PRIMPOL: variants seen among roughly 807,000 people sequenced by gnomAD.
PRIMPOL encodes the protein primase and DNA directed polymerase, also known as DNA-directed primase/polymerase protein.
A neutral mutation model predicts 63.6 loss-of-function variants in PRIMPOL; 54 were observed. The observed-to-expected ratio is 0.85, with a 90% CI of 0.68 to 1.07. The LOEUF is 1.07. Among genes scored for constraint, PRIMPOL ranks in the 50% least tolerant of loss-of-function variants. The pLI is 0.00. For synonymous variants in PRIMPOL, 197 were observed against 220.2 expected (o/e 0.89, Z 0.93); for missense variants, 610 against 648.3 (o/e 0.94, Z 0.64).
rs529130475 is a variant in PRIMPOL at position 184,668,471 on chromosome 4, G to A, written c.556+2407G>A. The stretch of plus-strand genomic sequence containing the variant: ...TGCCGTAGCTTGCAAAGCGAGGCCC[G>A]CTGTGCTCCAGCCTCATCTTCTGCC... On this transcript the variant is annotated intron_variant, in intron 6 of 13. Transcript: ENST00000314970. Among the ~76,000 whole-genome samples, 19 of 152,330 alleles carry A rather than the reference G, an allele frequency of 1.2e-4. No homozygotes were observed. The Middle Eastern group carries it at 0.01, about 82-fold the overall frequency.
chr4:184,658,084 T>TGGG (rs60383196), intron 3 of PRIMPOL, among the ~76,000 whole-genome samples: 5 of 110,448 alleles, frequency 4.5e-5, no homozygotes, highest in Non-Finnish European at 9.4e-5. Context: ...TTTTTTTTTT[T>TGGG]GGGGCACTGT....
At chr4:184,672,119 A>T in intron 6 of PRIMPOL, 54 bp from the exon 7 acceptor site, 1 of 1,442,668 alleles carries the variant, frequency 6.9e-7, no homozygotes, top group Non-Finnish European at 9.5e-7. Flanking sequence ...GCTAGACCTT[A>T]AGATGCGGTG....
chr4:184,650,490 T>TG (rs1743978661), intron 1 of PRIMPOL, among the ~76,000 whole-genome samples: 1 of 52,970 alleles, frequency 1.9e-5, no homozygotes, highest in African/African-American at 3.8e-5. Flanking sequence ...GGATGCGGAC[T>TG]ATTTTTTTAT....
chr4:184,682,954 G>A (rs1424849266), intron 9 of PRIMPOL, among the ~76,000 whole-genome samples: 1 of 152,118 alleles, frequency 6.6e-6, no homozygotes, highest in South Asian at 2.1e-4. Flanking sequence ...GGAGGCTAAG[G>A]CAGGAGGATC....
chr4:184,677,864 G>C (rs1200272360), intron 7 of PRIMPOL, among the ~76,000 whole-genome samples: 1 of 152,148 alleles, frequency 6.6e-6, no homozygotes, highest in Admixed American at 6.6e-5. Flanking sequence ...ATATTTGTTA[G>C]ATTTATTCTA....
In PRIMPOL at chr4:184,694,567, G is replaced by A; in HGVS notation, c.1471G>A (p.Glu491Lys). 6.2e-7 allele frequency: 1 copy of A among 1,614,028 alleles called. No homozygotes were observed. The highest frequency in any genetic ancestry group is 8.5e-7 in the Non-Finnish European group (1 of 1,179,930). The stretch of plus-strand genomic sequence containing the variant: ...TGAAGCAGATGAAACTAGGAGCAAT[G>A]AAACCCAGAATCCTCATAAACCATC... ...TDEADETRSN[E>K]TQNPHKPSPS... Residue 491 changes from glutamate (E) to lysine (K), a missense_variant, in exon 14 of 14, where the codon GAA becomes AAA. Physicochemically the swap from Glu to Lys is moderately conservative, Grantham distance 56. Transcript: ENST00000314970.
chr4:184,664,859 TAAAGAG>T (rs899288740), intron 5 of PRIMPOL, among the ~76,000 whole-genome samples: 2 of 152,028 alleles, frequency 1.3e-5, no homozygotes, highest in African/African-American at 4.8e-5. Context: ...TGTAAGTCTA[TAAAGAG>T]AAAAAGAGTA....
chr4:184,671,931 G>A (rs1309974612), intron 6 of PRIMPOL, among the ~76,000 whole-genome samples: 8 of 151,776 alleles, frequency 5.3e-5, no homozygotes, highest in African/African-American at 1.2e-4. Flanking sequence ...TAGTAGAGAC[G>A]GGGTTTCACC....
chr4:184,680,482 C>T (rs1326642725), intron 8 of PRIMPOL, among the ~76,000 whole-genome samples: 3 of 152,292 alleles, frequency 2.0e-5, no homozygotes, highest in Admixed American at 2.0e-4. Context: ...GCCACCGTGC[C>T]CGGCCACTTA....
intron 7 of PRIMPOL, among the ~76,000 whole-genome samples, chr4:184,673,741 G>C (rs1021793825): frequency 2.0e-5 from 3 of 152,224 alleles, no homozygotes; most frequent in Non-Finnish European, 2.9e-5. Flanking sequence ...CATTTTTGCT[G>C]TTGGCTGTGA....
chr4:184,694,168 C>T (rs1759877044), intron 13 of PRIMPOL: 1 of 988,928 alleles, frequency 1.0e-6, no homozygotes, highest in African/African-American at 1.7e-5. Flanking sequence ...GGTACTAAGT[C>T]CATTGTCAAG....
chr4:184,692,319 C>G (rs906467489), intron 13 of PRIMPOL, among the ~76,000 whole-genome samples: 1 of 151,586 alleles, frequency 6.6e-6, no homozygotes, highest in African/African-American at 2.4e-5. Context: ...ACTAAAAACA[C>G]AAAAATTAGC....
chr4:184,694,566 T>G lies in PRIMPOL; in HGVS notation c.1470T>G (p.Asn490Lys). The change falls in exon 14 of 14, where the codon AAT (asparagine) becomes AAG (lysine). Residue 490 changes from asparagine to lysine, a missense_variant. By Grantham distance (94) the Asn-to-Lys change is moderately conservative (BLOSUM62 0). This residue lies in a region of PRIMPOL where 444 missense variants were observed against 456.4 expected (regional missense o/e 0.97). Transcript: ENST00000314970. ...ATGAAGCAGATGAAACTAGGAGCAA[T>G]GAAACCCAGAATCCTCATAAACCAT... ...TTDEADETRS[N>K]ETQNPHKPSP... The G allele has an allele frequency of 6.2e-7, 1 of 1,614,016 alleles. No homozygotes were observed. Among genetic ancestry groups the G allele is most frequent in the Non-Finnish European group, 8.5e-7 (1 of 1,179,916 alleles).
intron 2 of PRIMPOL, among the ~76,000 whole-genome samples, chr4:184,656,231 TG>T (rs1746397626): frequency 6.6e-6 from 1 of 152,140 alleles, no homozygotes; most frequent in South Asian, 2.1e-4. Flanking sequence ...AACCTCTGCT[TG>T]CTTCACTTTT....
intron 1 of PRIMPOL, among the ~76,000 whole-genome samples, chr4:184,651,492 A>C (rs535400095): frequency 6.6e-6 from 1 of 152,308 alleles, no homozygotes; most frequent in Non-Finnish European, 1.5e-5. Context: ...GTGGCTCTGC[A>C]GAGCAGTAAT....
chr4:184,683,940 G>A (rs1270242341), intron 9 of PRIMPOL, among the ~76,000 whole-genome samples: 1 of 152,144 alleles, frequency 6.6e-6, no homozygotes, highest in East Asian at 1.9e-4. Context: ...AGAAAAACTA[G>A]TCTCTAAAAT....
intron 6 of PRIMPOL, among the ~76,000 whole-genome samples, chr4:184,668,628 G>A (rs10003354): frequency 0.13 from 20,297 of 152,034 alleles, 1,421 homozygotes; most frequent in African/African-American, 0.17. Flanking sequence ...TTCTGTAGAC[G>A]TCAAGCTATG....
chr4:184,688,110 G>T (rs142434039), intron 11 of PRIMPOL, among the ~76,000 whole-genome samples: 1 of 152,146 alleles, frequency 6.6e-6, no homozygotes, highest in African/African-American at 2.4e-5. Flanking sequence ...GGACATTTGG[G>T]TTGCTATTAT....
intron 11 of PRIMPOL, among the ~76,000 whole-genome samples, chr4:184,686,853 C>T (rs147697672): frequency 6.6e-6 from 1 of 152,202 alleles, no homozygotes; most frequent in Non-Finnish European, 1.5e-5. Context: ...GCTCAATACA[C>T]AAAGCTATAA....
Sources: gnomAD v4.1 joint callset for allele counts (sites outside exome capture counted in the v4.1 genomes callset) on GRCh38, gnomAD v4.1.1 for gene constraint, gnomAD v4.1.1 regional missense constraint, MANE v1.5 for transcripts, NCBI Gene and HGNC (gene_info 2026-07-23, HGNC 2026-07-21) for gene names.